Variants in ESS2 observed in about 807,000 individuals in gnomAD.
ESS2 encodes the protein ess-2 spliceosome associated protein.
In ESS2, 31 loss-of-function variants were observed where a neutral mutation model predicts 52.0. The ratio of observed to expected loss-of-function variants is 0.60; its 90% CI spans 0.45 to 0.81. The LOEUF is 0.81. Ranked by LOEUF, ESS2 falls within the 30% of genes least tolerant of loss-of-function variation. The pLI is 0.00. For synonymous variants in ESS2, 285 were observed against 259.2 expected, an observed-to-expected ratio of 1.10 and a Z score of -0.95; for missense variants, 602 against 637.2, an observed-to-expected ratio of 0.94 and a Z score of 0.59.
At position 19,134,454 on chromosome 22, in the gene ESS2, G is replaced by T; in HGVS notation, c.1173C>A (p.Ser391Arg). The T allele has an allele frequency of 6.3e-7, 1 of 1,576,846 alleles. No individual in the cohort carries two copies. The change falls in exon 10 of 10, where the codon AGC (serine) becomes AGA (arginine). Residue 391 changes from serine to arginine, a missense_variant. Coordinates refer to ENST00000252137, the MANE Select transcript of ESS2 (RefSeq NM_022719.3). ...NLASLTPKGL[S>R]PAMSPALQRL... ...GCTGTAGGGCTGGCGACATGGCTGG[G>T]CTCAGGCCTTTGGGGGTGAGGCTGG...
intron 1 of ESS2, among the ~76,000 whole-genome samples, chr22:19,143,554 C>T (rs574273000): frequency 3.7e-4 from 57 of 152,314 alleles, no homozygotes; most frequent in African/African-American, 1.3e-3. Flanking sequence ...CTTTCTATTT[C>T]CAATCTAAAC....
At position 19,135,123 on chromosome 22, in the gene ESS2, G is replaced by A; in HGVS notation, c.1088C>T (p.Ala363Val). Reference sequence around the variant, plus strand: ...CTTCTTGGCCCGGTTCTTGGCAGCGGCCTCGTTGGCCATCTTCAGACCCAG... The same window carrying A: ...CTTCTTGGCCCGGTTCTTGGCAGCGACCTCGTTGGCCATCTTCAGACCCAG... ...ERLGLKMANE[A>V]AAKNRAKKQE... The change falls in exon 9 of 10, where the codon GCC becomes GTC. Residue 363 changes from alanine (A) to valine (V), a missense_variant. Coordinates refer to ENST00000252137, the MANE Select transcript of ESS2 (RefSeq NM_022719.3). The A allele has an allele frequency of 6.2e-7, 1 of 1,614,032 alleles. No homozygotes were observed. The highest frequency in any genetic ancestry group is 8.5e-7 in the Non-Finnish European group (1 of 1,179,940).
chr22:19,135,959 G>A (rs2083573493), intron 8 of ESS2, among the ~76,000 whole-genome samples: 1 of 147,482 alleles, frequency 6.8e-6, no homozygotes, highest in Non-Finnish European at 1.5e-5. Context: ...GAGCCCAGGA[G>A]CTCAATGTTA....
rs764689359 is a variant in ESS2, at chr22:19,135,166, G to C, written c.1045C>G (p.Pro349Ala). The C allele has an allele frequency of 6.2e-7, 1 of 1,613,034 alleles. No individual in the cohort carries two copies. Among genetic ancestry groups the C allele is most frequent in the Non-Finnish European group, 8.5e-7 (1 of 1,179,382 alleles). The part of the protein sequence containing the change: ...TPGPAFKILE[P>A]GRRERLGLKM... Reference sequence around the variant, plus strand: ...AGACCCAGCCGCTCCCTGCGGCCTGGCTCCAGGATCTACAAGGTAGCAGGT... The same window carrying C: ...AGACCCAGCCGCTCCCTGCGGCCTGCCTCCAGGATCTACAAGGTAGCAGGT... The change falls in exon 9 of 10, where the codon CCA (proline) becomes GCA (alanine). Residue 349 changes from proline (P) to alanine (A), a missense_variant. Physicochemically the swap from Pro to Ala is conservative, Grantham distance 27. Transcript: ENST00000252137.
intron 8 of ESS2, among the ~76,000 whole-genome samples, chr22:19,136,862 C>T (rs5747997): frequency 0.44 from 67,373 of 151,926 alleles, 15,527 homozygotes; most frequent in East Asian, 0.6. Context: ...ACCCAGCCCA[C>T]GAAGAGCCTC....
intron 6 of ESS2, among the ~76,000 whole-genome samples, chr22:19,138,712 C>A (rs1212924433): frequency 6.6e-6 from 1 of 152,218 alleles, no homozygotes; most frequent in Non-Finnish European, 1.5e-5. Context: ...CCCACTTCAA[C>A]CCTGTGACTG....
rs780434649 is a variant in ESS2, at chr22:19,131,439, G to C, written c.*2757C>G. On this transcript the variant is annotated 3_prime_UTR_variant, in exon 10 of 10. Coordinates refer to ENST00000252137, the MANE Select transcript of ESS2 (RefSeq NM_022719.3). This position sits in a 1 kb window ranked among gnomAD's most constrained non-coding sequence, Gnocchi z 5.7. ...AGTCCTAAGGAAGAAGGGTTACATCGTAGGCATCAATCTTGGCAAGGGTTC... is the reference window on the plus strand; with the variant it reads ...AGTCCTAAGGAAGAAGGGTTACATCCTAGGCATCAATCTTGGCAAGGGTTC... The C allele has an allele frequency of 1.2e-6, 2 of 1,613,476 alleles. No homozygotes were observed. Among genetic ancestry groups the C allele is most frequent in the Non-Finnish European group, 1.7e-6 (2 of 1,179,766 alleles).
At chr22:19,140,087 C>T in intron 3 of ESS2, 63 bp from the exon 4 acceptor site, 1 of 1,579,008 alleles carries the variant, frequency 6.3e-7, no homozygotes. Flanking sequence ...AGGAGGACAC[C>T]CAGGCCCAGG....
At chr22:19,141,856 G>A (rs1390553560) in intron 3 of ESS2, among the ~76,000 whole-genome samples, 1 of 152,156 alleles carries the variant, frequency 6.6e-6, no homozygotes, top group Non-Finnish European at 1.5e-5. Context: ...AGGAGTGGTG[G>A]CAGGCGCCTG....
At position 19,133,975 on chromosome 22, in the gene ESS2, A is replaced by C. The variant is rs1320066321; in HGVS notation, c.*221T>G. 1 of 448,020 alleles carries C rather than the reference A, an allele frequency of 2.2e-6. No homozygotes were observed. Among genetic ancestry groups the C allele is most frequent in the Non-Finnish European group, 3.7e-6 (1 of 268,618 alleles). 27.8% of individuals were successfully genotyped at this position (448,020 alleles called of 1,614,324 possible). ...TTCTTTAATGACAGTTCAAGGGGCC[A>C]ATTAAACAGCAAACAGCTTGGCAAG... On this transcript the variant is annotated 3_prime_UTR_variant, in exon 10 of 10. Coordinates refer to ENST00000252137, the MANE Select transcript of ESS2 (RefSeq NM_022719.3).
intron 3 of ESS2, among the ~76,000 whole-genome samples, chr22:19,142,029 G>A (rs1324750529): frequency 6.6e-6 from 1 of 152,160 alleles, no homozygotes; most frequent in Non-Finnish European, 1.5e-5. Flanking sequence ...AAAATAAAAT[G>A]TCTTGTGATG....
At chr22:19,143,129 C>T (rs900087955) in intron 1 of ESS2, among the ~76,000 whole-genome samples, 2 of 140,132 alleles carry the variant, frequency 1.4e-5, no homozygotes, top group African/African-American at 5.4e-5. Context: ...CGCTTAAACT[C>T]GGGAGGCGGA....
chr22:19,141,248 A>G (rs1369694396), intron 3 of ESS2, among the ~76,000 whole-genome samples: 1 of 152,218 alleles, frequency 6.6e-6, no homozygotes, highest in East Asian at 1.9e-4. Context: ...GCTGGATTGT[A>G]AAGCAAAAAG....
intron 1 of ESS2, 41 bp from the exon 2 acceptor site, chr22:19,142,935 G>T: frequency 6.3e-7 from 1 of 1,582,240 alleles, no homozygotes; most frequent in Non-Finnish European, 8.6e-7. Context: ...GGCCAGGCGC[G>T]GTGGCTCACA....
rs897654067 is a variant in ESS2 at position 19,131,932 on chromosome 22, C to A, written c.*2264G>T. The A allele has an allele frequency of 1.9e-6, 3 of 1,613,976 alleles. No homozygotes were observed. Among genetic ancestry groups the A allele is most frequent in the Non-Finnish European group, 2.5e-6 (3 of 1,179,974 alleles). On this transcript the variant is annotated 3_prime_UTR_variant, in exon 10 of 10. Coordinates refer to ENST00000252137, the MANE Select transcript of ESS2 (RefSeq NM_022719.3). The surrounding 1 kb of genome is among the most constrained non-coding windows in gnomAD (Gnocchi z 5.7). ...ATCCTCAGCAAGACCTTCTGCGGGT[C>A]GGCAGCATATGCAGCCCCCGAGGTG...
rs138980683 is a variant in ESS2 at position 19,139,975 on chromosome 22, G to A, written c.450C>T (p.Val150=). 2 of 1,614,104 alleles carry A rather than the reference G, an allele frequency of 1.2e-6. No homozygotes were observed. The highest frequency in any genetic ancestry group is 2.7e-5 in the African/African-American group (2 of 75,058). Residue 150 remains valine (V), a synonymous_variant, in exon 4 of 10, where the codon GTC becomes GTT. Coordinates refer to ENST00000252137, the MANE Select transcript of ESS2 (RefSeq NM_022719.3). The part of the protein sequence containing the change: ...EEKEPLPSLD[V]FLSRYTSEDN... The stretch of plus-strand genomic sequence containing the variant: ...CCTCACTCGTGTAGCGGCTCAGGAA[G>A]ACATCTAGGCTGGGCAGCGGCTCCT...
intron 6 of ESS2, 106 bp from the exon 7 acceptor site, chr22:19,138,423 G>C (rs537155370): frequency 9.5e-7 from 1 of 1,057,306 alleles, no homozygotes; most frequent in South Asian, 1.3e-5. Flanking sequence ...CCTCTCCTCA[G>C]GGCAAGGCTG....
rs534119591 is a variant in ESS2, at chr22:19,139,907, C to T, written c.518G>A (p.Arg173Lys). 70 of 1,614,186 alleles carry T rather than the reference C, an allele frequency of 4.3e-5. 1 individual carries two copies. The highest frequency in any genetic ancestry group is 4.1e-4 in the South Asian group (37 of 91,092). ...FQEIMEVAKE[R>K]SRARHAWLYQ... is the part of the protein sequence containing the mutation. ...GAGCCAAGCGTGGCGTGCCCGGCTT[C>T]TCTCCTTGGCCACCTCCATGATCTC... The change falls in exon 4 of 10, where the codon AGA becomes AAA. Residue 173 changes from arginine (R) to lysine (K), a missense_variant. Transcript: ENST00000252137.
intron 8 of ESS2, 120 bp downstream of exon 8, chr22:19,137,203 A>G (rs1406011660): frequency 1.4e-6 from 1 of 715,212 alleles, no homozygotes; most frequent in East Asian, 2.8e-5. Context: ...CAGAAAAGCC[A>G]GCACTCTGCC....
Sources: gnomAD v4.1 joint callset for allele counts (sites outside exome capture counted in the v4.1 genomes callset) on GRCh38, gnomAD v4.1.1 for gene constraint, Gnocchi (gnomAD v3.1) non-coding constraint, MANE v1.5 for transcripts, NCBI Gene and HGNC (gene_info 2026-07-23, HGNC 2026-07-21) for gene names.